The following SLC4A4 variants were observed in gnomAD, a reference collection of about 807,000 sequenced individuals.
The protein encoded by SLC4A4 is solute carrier family 4 member 4, also known as electrogenic sodium bicarbonate cotransporter 1.
SLC4A4 carries 27 observed loss-of-function variants against 111.5 expected under a neutral mutation model. The observed-to-expected ratio is 0.24, with a 90% CI of 0.18 to 0.33. SLC4A4 has a LOEUF of 0.33. Ranked by LOEUF, SLC4A4 falls within the 10% of genes least tolerant of loss-of-function variation. The pLI is 1.00. For missense variants in SLC4A4, 909 were observed against 1,315.5 expected, an observed-to-expected ratio of 0.69 and a Z score of 4.78; for synonymous variants, 443 against 463.4, an observed-to-expected ratio of 0.96 and a Z score of 0.57.
At chr4:71,085,647 A>G (rs908231004) in intron 1 of SLC4A4, among the ~76,000 whole-genome samples, 1 of 152,058 alleles carries the variant, frequency 6.6e-6, no homozygotes, top group Non-Finnish European at 1.5e-5. Context: ...TTCCAGCACC[A>G]TTTATTAAAT....
rs925155364 is a variant in SLC4A4, at chr4:71,569,648, T to C, written c.*1897T>C. 1.3e-5 allele frequency: 2 copies of C among 151,708 alleles called. No homozygotes were observed. The highest frequency in any genetic ancestry group is 3.0e-5 in the Non-Finnish European group (2 of 67,778). 9.4% of individuals were successfully genotyped at this position (151,708 alleles called of 1,614,324 possible). ...ATATATCCTAACTATAACCAGTTGT[T>C]GAGGGGTATACTAGAAGCAGAATGA... On this transcript the variant is annotated 3_prime_UTR_variant, in exon 26 of 26. Coordinates refer to ENST00000264485, the MANE Select transcript of SLC4A4 (RefSeq NM_001098484.3).
intron 3 of SLC4A4, among the ~76,000 whole-genome samples, chr4:71,306,687 A>T (rs1158924483): frequency 6.6e-6 from 1 of 152,232 alleles, no homozygotes. Context: ...GTAATTGCAT[A>T]ATGAAAGTTA....
chr4:71,385,189 A>AT (rs1194914064), intron 6 of SLC4A4, among the ~76,000 whole-genome samples: 216 of 14,932 alleles, frequency 0.014, 1 homozygote, highest in African/African-American at 0.025. Context: ...ATATATATAT[A>AT]TATTTTTTTT....
At chr4:71,501,632 T>TTTTAA (rs1417696970) in intron 16 of SLC4A4, among the ~76,000 whole-genome samples, 4 of 151,144 alleles carry the variant, frequency 2.6e-5, no homozygotes, top group Non-Finnish European at 1.5e-5. Flanking sequence ...TTATTTTTAT[T>TTTTAA]TTTAATTTAA....
In SLC4A4 at chr4:71,095,734, T is replaced by A. The variant is rs1317938553; in HGVS notation, c.-2+2942T>A. On this transcript the variant is annotated intron_variant, in intron 2 of 26. Coordinates refer to the SLC4A4 transcript ENST00000649996. ...CTGTCATAGAGCTTATGGCCTAGTA[T>A]GGAAAATGAAAATGAAACTAGTTAT... Among the ~76,000 whole-genome samples the A allele has an allele frequency of 5.9e-5, 9 of 152,070 alleles. No homozygotes were observed. The South Asian group carries it at 1.9e-3, about 32-fold the overall frequency.
chr4:71,434,411 C>T, intron 7 of SLC4A4: 1 of 198,576 alleles, frequency 5.0e-6, no homozygotes, highest in Non-Finnish European at 1.1e-5. Context: ...AACTTTAAAG[C>T]TTGAGCTCCT....
At chr4:71,455,030 GACTGTGATGACGTCTA>G (rs1726101722) in intron 12 of SLC4A4, among the ~76,000 whole-genome samples, 1 of 152,166 alleles carries the variant, frequency 6.6e-6, no homozygotes, top group South Asian at 2.1e-4. Context: ...ACAGTGGGGG[GACTGTGATGACGTCTA>G]AGAGCTCATG....
intron 5 of SLC4A4, among the ~76,000 whole-genome samples, chr4:71,354,492 G>A (rs1730110207): frequency 6.6e-6 from 1 of 152,164 alleles, no homozygotes; most frequent in African/African-American, 2.4e-5. Context: ...ATTGCCCATT[G>A]AATACCTTTC....
At chr4:71,159,494 G>A (rs1162473272) in intron 2 of SLC4A4, among the ~76,000 whole-genome samples, 2 of 152,042 alleles carry the variant, frequency 1.3e-5, no homozygotes, top group African/African-American at 4.8e-5. Context: ...TTCCTGAGTA[G>A]CTGGGATTAC....
chr4:71,085,441 T>G (rs1489144903), intron 1 of SLC4A4, among the ~76,000 whole-genome samples: 1 of 152,092 alleles, frequency 6.6e-6, no homozygotes, highest in Non-Finnish European at 1.5e-5. Flanking sequence ...TGGCTTTTGT[T>G]GCCATTGCTT....
At chr4:71,406,590 C>A (rs1452327235) in intron 7 of SLC4A4, among the ~76,000 whole-genome samples, 1 of 151,920 alleles carries the variant, frequency 6.6e-6, no homozygotes, top group Non-Finnish European at 1.5e-5. Context: ...CATGTGTTAC[C>A]CACCAATGGG....
intron 3 of SLC4A4, among the ~76,000 whole-genome samples, chr4:71,309,570 A>T (rs2148851689): frequency 6.6e-6 from 1 of 152,274 alleles, no homozygotes; most frequent in East Asian, 1.9e-4. Context: ...ACTCCAGCAG[A>T]CCTAGAGGAG....
rs1269581003 is a variant in SLC4A4 at position 71,180,287 on chromosome 4, A to G, written c.-1-56289A>G. On this transcript the variant is annotated intron_variant, in intron 2 of 26. Transcript: ENST00000649996. Reference sequence around the variant, plus strand: ...AGGCAATACCATTCAGGACATAGGCATGGGTAAGGACTTCATGTCTAAAAC... The same window carrying G: ...AGGCAATACCATTCAGGACATAGGCGTGGGTAAGGACTTCATGTCTAAAAC... Among the ~76,000 whole-genome samples the G allele has an allele frequency of 5.3e-5, 8 of 152,342 alleles. 1 individual carries two copies. Among genetic ancestry groups the G allele is most frequent in the African/African-American group, 1.9e-4 (8 of 41,584 alleles).
intron 16 of SLC4A4, among the ~76,000 whole-genome samples, chr4:71,527,286 AG>A (rs1733501697): frequency 6.6e-6 from 1 of 152,198 alleles, no homozygotes; most frequent in East Asian, 1.9e-4. Context: ...TGGCTTAAAC[AG>A]GGTGGTACTA....
At chr4:71,251,982 A>G (rs564445163) in intron 2 of SLC4A4, among the ~76,000 whole-genome samples, 1 of 152,302 alleles carries the variant, frequency 6.6e-6, no homozygotes, top group African/African-American at 2.4e-5. Flanking sequence ...CAGGGAAAAC[A>G]ATACTATATC....
chr4:71,376,278 T>C (rs1732382822), intron 6 of SLC4A4, among the ~76,000 whole-genome samples: 1 of 150,484 alleles, frequency 6.6e-6, no homozygotes, highest in African/African-American at 2.4e-5. Flanking sequence ...ATCGGCTCAC[T>C]GCAAGCTCTG....
intron 1 of SLC4A4, among the ~76,000 whole-genome samples, chr4:71,069,490 C>G (rs2148929462): frequency 6.6e-6 from 1 of 152,288 alleles, no homozygotes; most frequent in Non-Finnish European, 1.5e-5. Flanking sequence ...TTTGGTCCAC[C>G]TATTTCTGAG....
chr4:71,466,961 GA>G (rs1560533852), intron 13 of SLC4A4, among the ~76,000 whole-genome samples: 2,557 of 115,018 alleles, frequency 0.022, 68 homozygotes, highest in African/African-American at 0.087. Flanking sequence ...GAGAGAGAGA[GA>G]GAGGGAGAGA....
At chr4:71,212,267 G>A (rs935645781) in intron 1 of SLC4A4, among the ~76,000 whole-genome samples, 1 of 152,032 alleles carries the variant, frequency 6.6e-6, no homozygotes, top group South Asian at 2.1e-4. Flanking sequence ...TTCTCTAATG[G>A]GCTGTTCACT....
Sources: gnomAD v4.1 joint callset for allele counts (sites outside exome capture counted in the v4.1 genomes callset) on GRCh38, gnomAD v4.1.1 for gene constraint, MANE v1.5 for transcripts, NCBI Gene and HGNC (gene_info 2026-07-23, HGNC 2026-07-21) for gene names.